Variants in RPH3A observed in about 807,000 individuals in gnomAD.
The protein encoded by RPH3A is rabphilin 3A.
A neutral mutation model predicts 102.2 loss-of-function variants in RPH3A; 48 were observed. That is an observed-to-expected ratio of 0.47 (90% CI 0.37 to 0.60). RPH3A has a LOEUF of 0.60. RPH3A is among the 20% of genes least tolerant of loss of function. The probability of loss-of-function intolerance (pLI) is 0.00; values close to 1 mark genes in which losing one functional copy is unlikely to be tolerated. For missense variants in RPH3A, 781 were observed against 910.1 expected (o/e 0.86, Z 1.83); for synonymous variants, 310 against 324.3 (o/e 0.96, Z 0.47).
chr12:112,611,798 C>T (rs892686248), intron 1 of RPH3A, among the ~76,000 whole-genome samples: 1 of 151,206 alleles, frequency 6.6e-6, no homozygotes, highest in Non-Finnish European at 1.5e-5. Flanking sequence ...TAGAAATACT[C>T]TTATGTAACT....
intron 1 of RPH3A, among the ~76,000 whole-genome samples, chr12:112,756,219 C>CT (rs1030816985): frequency 3.4e-4 from 50 of 145,748 alleles, no homozygotes; most frequent in African/African-American, 5.8e-4. Flanking sequence ...ACACATCACG[C>CT]TTTTTTTTTT....
chr12:112,815,610 T>C (rs2041658305), intron 2 of RPH3A, among the ~76,000 whole-genome samples: 1 of 152,218 alleles, frequency 6.6e-6, no homozygotes, highest in Non-Finnish European at 1.5e-5. Context: ...ACGCCATTTG[T>C]GGTCTTCCGT....
chr12:112,605,495 G>A (rs984698518), intron 1 of RPH3A, among the ~76,000 whole-genome samples: 1 of 152,184 alleles, frequency 6.6e-6, no homozygotes, highest in African/African-American at 2.4e-5. Context: ...ACCTGCCAAA[G>A]CTTATACAAC....
intron 4 of RPH3A, among the ~76,000 whole-genome samples, chr12:112,847,078 T>C (rs1052726517): frequency 1.3e-5 from 2 of 152,112 alleles, no homozygotes; most frequent in African/African-American, 4.8e-5. Flanking sequence ...ACATGAGAGA[T>C]AATAAGCTGA....
intron 2 of RPH3A, among the ~76,000 whole-genome samples, chr12:112,816,906 C>T (rs1782614218): frequency 6.6e-6 from 1 of 152,084 alleles, no homozygotes; most frequent in Non-Finnish European, 1.5e-5. Context: ...TGTTTTGTGC[C>T]AGGCTCTGGA....
chr12:112,861,406 C>T (rs761984267), intron 5 of RPH3A, among the ~76,000 whole-genome samples: 3 of 152,176 alleles, frequency 2.0e-5, no homozygotes, highest in Non-Finnish European at 4.4e-5. Context: ...TGCATATGTG[C>T]AGCTTGGTGC....
chr12:112,777,182 A>T (rs1479708261), intron 1 of RPH3A, among the ~76,000 whole-genome samples: 1 of 152,210 alleles, frequency 6.6e-6, no homozygotes, highest in Non-Finnish European at 1.5e-5. Flanking sequence ...GTGAGAATTC[A>T]GTTGGATCAT....
At chr12:112,712,853 G>A (rs1267108221) in intron 1 of RPH3A, among the ~76,000 whole-genome samples, 1 of 151,072 alleles carries the variant, frequency 6.6e-6, no homozygotes, top group African/African-American at 2.4e-5. Flanking sequence ...CTGGGACTGT[G>A]TGCCACCACA....
At chr12:112,765,066 GAGAGGAATGCCACCTCTTCCTGA>G in intron 1 of RPH3A, among the ~76,000 whole-genome samples, 1 of 152,244 alleles carries the variant, frequency 6.6e-6, no homozygotes, top group Admixed American at 6.5e-5. Context: ...GCTGGTGTGA[GAGAGGAATGCCACCTCTTCCTGA>G]AGACTCTGTA....
chr12:112,594,151 C>T (rs925949993), intron 1 of RPH3A, among the ~76,000 whole-genome samples: 5 of 152,148 alleles, frequency 3.3e-5, no homozygotes, highest in Non-Finnish European at 7.4e-5. Flanking sequence ...ATAGTTTTAT[C>T]TCTCTGACTT....
intron 1 of RPH3A, among the ~76,000 whole-genome samples, chr12:112,601,308 G>T (rs534046283): frequency 6.6e-6 from 1 of 152,298 alleles, no homozygotes; most frequent in South Asian, 2.1e-4. Flanking sequence ...TAGGAAAAAT[G>T]TTTGGCTCAT....
At chr12:112,666,536 T>C (rs1234418086) in intron 1 of RPH3A, among the ~76,000 whole-genome samples, 3 of 152,152 alleles carry the variant, frequency 2.0e-5, no homozygotes, top group African/African-American at 7.2e-5. Context: ...ACTGCTTTAG[T>C]TCCCCCCTTC....
In RPH3A at chr12:112,883,367, C is replaced by T. The variant is rs775624975; in HGVS notation, c.1401C>T (p.Gly467=). ...GGAATGAGACCCTCGTGTATCACGG[C>T]ATCACCGATGAGGACATGCAAAGGA... is the stretch of plus-strand genomic sequence containing the variant. The part of the protein sequence containing the change: ...PIWNETLVYH[G]ITDEDMQRKT... The change falls in exon 16 of 22, where the codon GGC becomes GGT. Residue 467 remains glycine, a synonymous_variant. Coordinates refer to ENST00000389385, the MANE Select transcript of RPH3A (RefSeq NM_001143854.2). The T allele has an allele frequency of 3.1e-6, 5 of 1,614,128 alleles. No homozygotes were observed. The highest frequency in any genetic ancestry group is 4.2e-6 in the Non-Finnish European group (5 of 1,179,998).
chr12:112,865,007 G>A (rs1165552932), intron 5 of RPH3A, among the ~76,000 whole-genome samples: 3 of 152,178 alleles, frequency 2.0e-5, no homozygotes, highest in Non-Finnish European at 4.4e-5. Context: ...ATGGAGAGTA[G>A]CCAAGATGAA....
At chr12:112,884,370 G>A (rs1364024947) in intron 16 of RPH3A, among the ~76,000 whole-genome samples, 1 of 152,056 alleles carries the variant, frequency 6.6e-6, no homozygotes, top group Non-Finnish European at 1.5e-5. Flanking sequence ...TCTCTCCCAA[G>A]AGCTAGACAC....
intron 1 of RPH3A, among the ~76,000 whole-genome samples, chr12:112,746,111 T>C (rs1376001706): frequency 2.0e-5 from 3 of 152,120 alleles, no homozygotes; most frequent in Admixed American, 6.6e-5. Flanking sequence ...CTTTTTTCTT[T>C]CCTCCTTTTC....
intron 1 of RPH3A, among the ~76,000 whole-genome samples, chr12:112,629,651 A>AT (rs1420879336): frequency 6.6e-6 from 1 of 151,582 alleles, no homozygotes; most frequent in Non-Finnish European, 1.5e-5. Context: ...TAATTTAAAA[A>AT]TTTTTTGTAG....
At chr12:112,593,253 G>A (rs2039491941) in intron 1 of RPH3A, among the ~76,000 whole-genome samples, 1 of 152,196 alleles carries the variant, frequency 6.6e-6, no homozygotes, top group South Asian at 2.1e-4. Flanking sequence ...CCTTGATTGT[G>A]AACTTCTCAG....
intron 1 of RPH3A, among the ~76,000 whole-genome samples, chr12:112,597,439 G>C (rs1394622139): frequency 1.3e-5 from 2 of 152,016 alleles, no homozygotes; most frequent in Admixed American, 6.6e-5. Context: ...AAAAAAATTA[G>C]CCAGGCATAG....
Sources: allele counts gnomAD v4.1 joint callset (sites outside exome capture counted in the v4.1 genomes callset), GRCh38; gene constraint gnomAD v4.1.1; transcripts MANE v1.5; gene names NCBI Gene and HGNC (gene_info 2026-07-23, HGNC 2026-07-21).